The following BTBD9 variants were observed in gnomAD, a reference collection of about 807,000 sequenced individuals.
The protein encoded by BTBD9 is BTB/POZ domain-containing protein 9.
A neutral mutation model predicts 64.3 loss-of-function variants in BTBD9; 49 were observed. That is an observed-to-expected ratio of 0.76 (90% CI 0.61 to 0.97). The LOEUF is 0.97. Ranked by LOEUF, BTBD9 falls within the 50% of genes least tolerant of loss-of-function variation. The pLI, the probability that BTBD9 is intolerant of heterozygous loss-of-function variation, is 0.00. For synonymous variants in BTBD9, 260 were observed against 274.7 expected (o/e 0.95, Z 0.53); for missense variants, 598 against 762.1 (o/e 0.78, Z 2.53).
At chr6:38,241,605 A>C (rs1480482394) in intron 9 of BTBD9, among the ~76,000 whole-genome samples, 1 of 152,254 alleles carries the variant, frequency 6.6e-6, no homozygotes, top group Non-Finnish European at 1.5e-5. Flanking sequence ...AAATGTGTGC[A>C]ATTCCAGATG....
intron 9 of BTBD9, among the ~76,000 whole-genome samples, chr6:38,252,527 CTTA>C (rs1764438178): frequency 6.6e-6 from 1 of 152,138 alleles, no homozygotes; most frequent in South Asian, 2.1e-4. Context: ...TATTTGCCTT[CTTA>C]TTACTACTTT....
At chr6:38,585,078 T>C (rs898137650) in intron 4 of BTBD9, among the ~76,000 whole-genome samples, 1 of 151,986 alleles carries the variant, frequency 6.6e-6, no homozygotes, top group Non-Finnish European at 1.5e-5. Flanking sequence ...CCTAGGGTGC[T>C]TCCTATGTGC....
intron 10 of BTBD9, among the ~76,000 whole-genome samples, chr6:38,183,528 C>A (rs1761996256): frequency 6.6e-6 from 1 of 152,222 alleles, no homozygotes; most frequent in Admixed American, 6.5e-5. Flanking sequence ...TGCCTCCCTG[C>A]CTGCCCAGTG....
At chr6:38,476,078 G>A (rs1770866241) in intron 6 of BTBD9, among the ~76,000 whole-genome samples, 1 of 152,054 alleles carries the variant, frequency 6.6e-6, no homozygotes, top group Non-Finnish European at 1.5e-5. Flanking sequence ...ATTAATTTGG[G>A]GTTGCCATTG....
intron 6 of BTBD9, among the ~76,000 whole-genome samples, chr6:38,374,316 T>TATATATAC (rs1765590061): frequency 1.1e-4 from 13 of 116,330 alleles, no homozygotes; most frequent in African/African-American, 4.6e-4. Context: ...TGTATATATA[T>TATATATAC]ATATATATAT....
At position 38,366,463 on chromosome 6, in the gene BTBD9, G is replaced by A. The variant is rs1039006296; in HGVS notation, c.1155-21370C>T. ...TCAGCTGACACAAGAAGCAGGTTTC[G>A]AAAAGGAAAGCTGTCCCCTAAGCAT... On this transcript the variant is annotated intron_variant, in intron 6 of 10. Coordinates refer to ENST00000481247, the MANE Select transcript of BTBD9 (RefSeq NM_001099272.2). 1.2e-3 allele frequency among the ~76,000 whole-genome samples: 179 copies of A among 152,276 alleles called. 1 individual carries two copies. The highest frequency in any genetic ancestry group is 4.1e-3 in the African/African-American group (170 of 41,556).
chr6:38,553,239 C>T (rs371020284), intron 6 of BTBD9, among the ~76,000 whole-genome samples: 3 of 152,170 alleles, frequency 2.0e-5, no homozygotes, highest in African/African-American at 7.2e-5. Context: ...CCATCAGACC[C>T]TAAGTATGAT....
At chr6:38,239,485 A>G (rs1763918269) in intron 9 of BTBD9, among the ~76,000 whole-genome samples, 1 of 151,918 alleles carries the variant, frequency 6.6e-6, no homozygotes, top group South Asian at 2.1e-4. Context: ...TAGGAAATTT[A>G]AAACAATAAC....
chr6:38,205,725 A>T (rs1485772839), intron 9 of BTBD9, among the ~76,000 whole-genome samples: 1 of 151,692 alleles, frequency 6.6e-6, no homozygotes, highest in African/African-American at 2.4e-5. Context: ...CTTTACTAAA[A>T]ATACAAAAAT....
At chr6:38,525,029 G>T (rs541392042) in intron 6 of BTBD9, among the ~76,000 whole-genome samples, 14 of 152,166 alleles carry the variant, frequency 9.2e-5, no homozygotes, top group African/African-American at 2.9e-4. Flanking sequence ...CACTAGAATG[G>T]TTTATTATTT....
At chr6:38,367,460 A>G (rs920832502) in intron 6 of BTBD9, among the ~76,000 whole-genome samples, 2 of 152,136 alleles carry the variant, frequency 1.3e-5, no homozygotes, top group African/African-American at 4.8e-5. Context: ...CTTTTAGGGG[A>G]AGAGAAGCTT....
intron 6 of BTBD9, 65 bp downstream of exon 6, chr6:38,577,535 G>A (rs1413203592): frequency 1.3e-6 from 2 of 1,485,804 alleles, no homozygotes; most frequent in African/African-American, 2.8e-5. Context: ...ATGCAGTTCT[G>A]CTTCTCCAAG....
At chr6:38,638,236 A>T (rs1038495823) in intron 1 of BTBD9, among the ~76,000 whole-genome samples, 11 of 152,146 alleles carry the variant, frequency 7.2e-5, no homozygotes, top group African/African-American at 2.7e-4. Flanking sequence ...GTTACCTGCT[A>T]CTTAACTTGG....
At chr6:38,273,743 T>C (rs1765273696) in intron 8 of BTBD9, among the ~76,000 whole-genome samples, 1 of 152,178 alleles carries the variant, frequency 6.6e-6, no homozygotes, top group Non-Finnish European at 1.5e-5. Context: ...TTACTCTTAC[T>C]GCCCTAGGAA....
intron 8 of BTBD9, among the ~76,000 whole-genome samples, chr6:38,285,959 T>C (rs183493776): frequency 9.9e-4 from 151 of 152,306 alleles, no homozygotes; most frequent in Middle Eastern, 3.4e-3. Flanking sequence ...AATTCTAGAA[T>C]AGCTTACTAA....
rs35755281 is a variant in BTBD9 at position 38,388,219 on chromosome 6, C to CAAAA, written c.1155-43130_1155-43127dup. On this transcript the variant is annotated intron_variant, in intron 6 of 10. Coordinates refer to ENST00000481247, the MANE Select transcript of BTBD9 (RefSeq NM_001099272.2). ...ATGCTTCTGGTGTAACTGCCCCTGA[C>CAAAA]AAAAAAAAAAAAAAAAAGTCTACTT... is the stretch of plus-strand genomic sequence containing the variant. Among the ~76,000 whole-genome samples, 794 of 102,522 alleles carry CAAAA rather than the reference C, an allele frequency of 7.7e-3. 11 individuals carry two copies. The highest frequency in any genetic ancestry group is 0.023 in the East Asian group (96 of 4,202). 67.3% of individuals were successfully genotyped at this position (102,522 alleles called of 152,430 possible).
chr6:38,379,902 G>T (rs2127613806), intron 6 of BTBD9, among the ~76,000 whole-genome samples: 1 of 152,248 alleles, frequency 6.6e-6, no homozygotes, highest in South Asian at 2.1e-4. Context: ...GTCATATTAG[G>T]AAATTAATAG....
intron 1 of BTBD9, among the ~76,000 whole-genome samples, chr6:38,629,757 G>A (rs1244448873): frequency 6.6e-6 from 1 of 152,082 alleles, no homozygotes; most frequent in African/African-American, 2.4e-5. Flanking sequence ...AGGAGGTGGA[G>A]GTTACAGTGA....
chr6:38,573,555 G>A (rs1031696990), intron 6 of BTBD9, among the ~76,000 whole-genome samples: 1 of 151,940 alleles, frequency 6.6e-6, no homozygotes, highest in East Asian at 1.9e-4. Flanking sequence ...TCCCACCTAC[G>A]CTCTTGTTCC....
Sources: allele counts gnomAD v4.1 joint callset (sites outside exome capture counted in the v4.1 genomes callset), GRCh38; gene constraint gnomAD v4.1.1; transcripts MANE v1.5; gene names NCBI Gene and HGNC (gene_info 2026-07-23, HGNC 2026-07-21).